HTR7: variants seen among roughly 807,000 people sequenced by gnomAD.
HTR7 encodes the protein 5-hydroxytryptamine receptor 7.
In HTR7, 16 loss-of-function variants were observed where a neutral mutation model predicts 34.0. The observed-to-expected ratio is 0.47, with a 90% CI of 0.32 to 0.71. HTR7 has a LOEUF of 0.71. Ranked by LOEUF, HTR7 falls within the 30% of genes least tolerant of loss-of-function variation. The probability of loss-of-function intolerance (pLI) is 0.04; values close to 1 mark genes in which losing one functional copy is unlikely to be tolerated. For synonymous variants in HTR7, 265 were observed against 260.2 expected (o/e 1.02, Z -0.18); for missense variants, 504 against 625.5 (o/e 0.81, Z 2.07).
chr10:90,758,660 C>G (rs1844878790), intron 1 of HTR7, among the ~76,000 whole-genome samples: 1 of 151,922 alleles, frequency 6.6e-6, no homozygotes, highest in Non-Finnish European at 1.5e-5. Flanking sequence ...CTGAATCTTA[C>G]CAGCAAAAGG....
chr10:90,761,607 C>T (rs1226223862), intron 1 of HTR7, among the ~76,000 whole-genome samples: 3 of 150,014 alleles, frequency 2.0e-5, no homozygotes, highest in African/African-American at 7.5e-5. Flanking sequence ...TCTATTACCT[C>T]ACATAGTTAC....
intron 1 of HTR7, among the ~76,000 whole-genome samples, chr10:90,841,071 G>T (rs777950736): frequency 6.6e-6 from 1 of 152,178 alleles, no homozygotes; most frequent in Non-Finnish European, 1.5e-5. Flanking sequence ...CAGAAAAAGA[G>T]CCATGGCTTC....
At chr10:90,760,828 C>T (rs1361075585) in intron 1 of HTR7, among the ~76,000 whole-genome samples, 2 of 152,066 alleles carry the variant, frequency 1.3e-5, no homozygotes, top group Non-Finnish European at 2.9e-5. Context: ...TTGCAGTGAG[C>T]CGAGATTGCG....
rs190447872 is a variant in HTR7 at position 90,808,243 on chromosome 10, G to A, written c.539+48890C>T. On this transcript the variant is annotated intron_variant, in intron 1 of 3. Coordinates refer to ENST00000336152, the MANE Select transcript of HTR7 (RefSeq NM_019859.4). ...CCCCTTCTCTCTGTGTCTCTACCCC[G>A]TCTCCACCTTTCTGGGGGGCAAGAA... Among the ~76,000 whole-genome samples, 794 of 148,780 alleles carry A rather than the reference G, an allele frequency of 5.3e-3. 10 individuals are homozygous for A. Among genetic ancestry groups the A allele is most frequent in the African/African-American group, 0.019 (757 of 40,088 alleles).
chr10:90,819,660 C>G (rs1845948161), intron 1 of HTR7, among the ~76,000 whole-genome samples: 1 of 152,146 alleles, frequency 6.6e-6, no homozygotes, highest in Non-Finnish European at 1.5e-5. Flanking sequence ...CACTTTTTCT[C>G]TGACACTGGA....
chr10:90,800,235 C>T (rs923941992), intron 1 of HTR7, among the ~76,000 whole-genome samples: 2 of 152,174 alleles, frequency 1.3e-5, no homozygotes, highest in African/African-American at 4.8e-5. Flanking sequence ...AAAAGTTTGG[C>T]CGTTTTCTTA....
chr10:90,756,032 A>T (rs924468019), intron 1 of HTR7, among the ~76,000 whole-genome samples: 5 of 152,252 alleles, frequency 3.3e-5, no homozygotes, highest in Non-Finnish European at 7.3e-5. Flanking sequence ...GGAATTCTAT[A>T]AAACAATGAG....
chr10:90,815,073 ATTTTTTTTTTGT>A (rs1191737375), intron 1 of HTR7, among the ~76,000 whole-genome samples: 41 of 140,646 alleles, frequency 2.9e-4, no homozygotes, highest in South Asian at 9.3e-4. Context: ...CAAAAGTTGG[ATTTTTTTTTTGT>A]TTTTTTTTTT....
chr10:90,798,048 C>T (rs868061497), intron 1 of HTR7, among the ~76,000 whole-genome samples: 48 of 152,096 alleles, frequency 3.2e-4, no homozygotes, highest in African/African-American at 1.1e-3. Flanking sequence ...TCCCTCATGG[C>T]CTAATCACCT....
rs777808339 is a variant in HTR7, at chr10:90,743,600, C to T, written c.1386G>A (p.Trp462Ter). The T allele has an allele frequency of 1.7e-5, 27 of 1,613,408 alleles. No individual in the cohort carries two copies. Among genetic ancestry groups the T allele is most frequent in the Non-Finnish European group, 2.2e-5 (26 of 1,179,458 alleles). ...WVLQSPDHHN[W>*]LADKMLTTVE... ...CCTTTCCTTGCTACCCACCTGCTAA[C>T]CAATTGTGATGGTCTGGAGATTGTA... The change falls in exon 3 of 4, where the codon TGG becomes TGA. Residue 462 changes from tryptophan (W) to a stop codon, truncating the protein, a stop_gained. Coordinates refer to ENST00000336152, the MANE Select transcript of HTR7 (RefSeq NM_019859.4). LOFTEE classifies it high-confidence loss of function.
intron 1 of HTR7, among the ~76,000 whole-genome samples, chr10:90,783,581 G>GT (rs1845339165): frequency 6.6e-6 from 1 of 152,108 alleles, no homozygotes; most frequent in African/African-American, 2.4e-5. Context: ...AATTAAAATG[G>GT]TATGTATTTT....
chr10:90,847,043 T>A (rs1344809396), intron 1 of HTR7, among the ~76,000 whole-genome samples: 1 of 152,238 alleles, frequency 6.6e-6, no homozygotes, highest in Non-Finnish European at 1.5e-5. Context: ...ATGTCTCCAC[T>A]TTTATTATTT....
chr10:90,827,559 C>T (rs1281458308), intron 1 of HTR7, among the ~76,000 whole-genome samples: 4 of 151,366 alleles, frequency 2.6e-5, no homozygotes, highest in Non-Finnish European at 5.9e-5. Context: ...CAAGTGAAAA[C>T]CAAAAAGAGG....
At chr10:90,755,670 A>G (rs2119697437) in intron 1 of HTR7, among the ~76,000 whole-genome samples, 1 of 152,360 alleles carries the variant, frequency 6.6e-6, no homozygotes, top group South Asian at 2.1e-4. Context: ...AAATGTCACT[A>G]ACAGCCATCA....
intron 1 of HTR7, among the ~76,000 whole-genome samples, chr10:90,768,527 A>G (rs1845057877): frequency 6.6e-6 from 1 of 152,116 alleles, no homozygotes; most frequent in African/African-American, 2.4e-5. Flanking sequence ...GCAAATACAA[A>G]TATGTTCTTA....
intron 1 of HTR7, among the ~76,000 whole-genome samples, chr10:90,804,546 A>G (rs1845674521): frequency 6.6e-6 from 1 of 151,936 alleles, no homozygotes. Context: ...TCCCCCTCCC[A>G]CAAGAGGTTT....
chr10:90,771,815 C>G (rs142284045), intron 1 of HTR7, among the ~76,000 whole-genome samples: 5 of 152,088 alleles, frequency 3.3e-5, no homozygotes, highest in African/African-American at 9.7e-5. Flanking sequence ...AGAACAAGAA[C>G]AGCAGCCCCA....
chr10:90,754,246 T>C (rs1329505971), intron 1 of HTR7, among the ~76,000 whole-genome samples: 2 of 152,082 alleles, frequency 1.3e-5, no homozygotes, highest in Non-Finnish European at 2.9e-5. Context: ...TTCATAAGTT[T>C]ATACAAAAGA....
intron 1 of HTR7, among the ~76,000 whole-genome samples, chr10:90,850,699 G>A (rs1299215836): frequency 3.3e-5 from 5 of 152,134 alleles, no homozygotes; most frequent in Non-Finnish European, 7.4e-5. Context: ...AGTTTAAAAA[G>A]CTTAAATGGA....
Sources: gnomAD v4.1 joint callset for allele counts (sites outside exome capture counted in the v4.1 genomes callset) on GRCh38, gnomAD v4.1.1 for gene constraint, MANE v1.5 for transcripts, NCBI Gene and HGNC (gene_info 2026-07-23, HGNC 2026-07-21) for gene names.